The following ARHGEF10L variants were observed in gnomAD, a reference collection of about 807,000 sequenced individuals.
The protein encoded by ARHGEF10L is rho guanine nucleotide exchange factor 10-like protein.
Under a neutral mutation model 141.2 loss-of-function variants are expected in ARHGEF10L, and 69 were observed. That is an observed-to-expected ratio of 0.49 (90% confidence interval 0.40 to 0.60). The LOEUF is 0.60. Ranked by LOEUF, ARHGEF10L falls within the 20% of genes least tolerant of loss-of-function variation. The probability of loss-of-function intolerance (pLI) is 0.00; values close to 1 mark genes in which losing one functional copy is unlikely to be tolerated. For missense variants in ARHGEF10L, 1,482 were observed against 1,734.3 expected, an observed-to-expected ratio of 0.85 and a Z score of 2.58; for synonymous variants, 711 against 718.5, an observed-to-expected ratio of 0.99 and a Z score of 0.17.
At chr1:17,589,429 G>T (rs918308829) in intron 4 of ARHGEF10L, among the ~76,000 whole-genome samples, 1 of 152,314 alleles carries the variant, frequency 6.6e-6, no homozygotes, top group Non-Finnish European at 1.5e-5. Flanking sequence ...TCACTACCCT[G>T]GTGAGGGGAG....
chr1:17,595,595 C>T (rs2080014764), intron 4 of ARHGEF10L, among the ~76,000 whole-genome samples: 1 of 152,292 alleles, frequency 6.6e-6, no homozygotes. Flanking sequence ...GTAAGGGGAT[C>T]TGTGACCATG....
chr1:17,640,330 CAG>C (rs752198948), intron 21 of ARHGEF10L, 28 bp downstream of exon 21: 2 of 1,574,372 alleles, frequency 1.3e-6, no homozygotes, highest in Admixed American at 1.7e-5. Context: ...GAGAGTGCCT[CAG>C]GGGGCAGGGG....
Position 17,619,294 on chromosome 1 carries a change from GCTGTCCCTGC to G in ARHGEF10L, c.836-42_836-33del. ...AGCTCCTGAGGCCTGAGCAGGGTGT[GCTGTCCCTGC>G]CTTAGCTGTGTCATCGGCCCATCTG... On this transcript the variant is annotated intron_variant, in intron 9 of 28. Coordinates refer to ENST00000361221, the MANE Select transcript of ARHGEF10L (RefSeq NM_018125.4). The surrounding 1 kb of genome is among the most constrained non-coding windows in gnomAD (Gnocchi z 5.0). The G allele has an allele frequency of 6.4e-7, 1 of 1,571,674 alleles. No homozygotes were observed. Among genetic ancestry groups the G allele is most frequent in the Non-Finnish European group, 8.7e-7 (1 of 1,146,868 alleles).
At chr1:17,544,905 G>A (rs2076863021) in intron 1 of ARHGEF10L, among the ~76,000 whole-genome samples, 2 of 152,172 alleles carry the variant, frequency 1.3e-5, no homozygotes, top group South Asian at 4.1e-4. Flanking sequence ...GCCTGTGTAA[G>A]GGAACTGTCC....
At chr1:17,588,209 G>A (rs1249091687) in intron 3 of ARHGEF10L, among the ~76,000 whole-genome samples, 1 of 151,812 alleles carries the variant, frequency 6.6e-6, no homozygotes. Flanking sequence ...TGGCTGCCAC[G>A]GGTTCTGGCT....
At chr1:17,695,811 A>T (rs889651060) in intron 28 of ARHGEF10L, among the ~76,000 whole-genome samples, 6 of 152,078 alleles carry the variant, frequency 3.9e-5, no homozygotes, top group Non-Finnish European at 7.4e-5. Context: ...GAGAATGATG[A>T]CTGTGGTCTT....
Position 17,561,065 on chromosome 1 carries a change from C to T in ARHGEF10L, c.-43-19488C>T, listed in dbSNP as rs565722125. Among the ~76,000 whole-genome samples, 13 of 152,296 alleles carry T rather than the reference C, an allele frequency of 8.5e-5. No individual in the cohort carries two copies. In the South Asian group the frequency reaches 2.7e-3, roughly 32 times the overall value. On this transcript the variant is annotated intron_variant, in intron 1 of 28. Transcript: ENST00000361221. ...TTTGCCTTGCTCAGCCTTTGGGGCTCCCTCCAAAGATGGGAATAACAAGCC... is the reference window on the plus strand; with the variant it reads ...TTTGCCTTGCTCAGCCTTTGGGGCTTCCTCCAAAGATGGGAATAACAAGCC...
At chr1:17,562,252 G>A (rs1376743554) in intron 1 of ARHGEF10L, among the ~76,000 whole-genome samples, 1 of 152,068 alleles carries the variant, frequency 6.6e-6, no homozygotes, top group Non-Finnish European at 1.5e-5. Flanking sequence ...CCGTCTCTAC[G>A]AAAAAATACA....
chr1:17,542,158 AAAG>A (rs1462536322), intron 1 of ARHGEF10L, among the ~76,000 whole-genome samples: 7 of 152,020 alleles, frequency 4.6e-5, no homozygotes, highest in South Asian at 2.1e-4. Context: ...AAAGAAAAGA[AAAG>A]AAGAAGATTG....
At chr1:17,693,017 G>C (rs897781152) in intron 27 of ARHGEF10L, among the ~76,000 whole-genome samples, 1 of 152,134 alleles carries the variant, frequency 6.6e-6, no homozygotes, top group Non-Finnish European at 1.5e-5. Context: ...CTGAAGACCC[G>C]GGAATCCTCC....
At chr1:17,614,739 A>G (rs552404462) in intron 8 of ARHGEF10L, among the ~76,000 whole-genome samples, 2 of 152,332 alleles carry the variant, frequency 1.3e-5, no homozygotes, top group South Asian at 4.1e-4. Flanking sequence ...TCCCGTAGAA[A>G]TGCAGGGCAG....
intron 21 of ARHGEF10L, among the ~76,000 whole-genome samples, chr1:17,645,416 G>A (rs2061541138): frequency 6.6e-6 from 1 of 152,086 alleles, no homozygotes; most frequent in Non-Finnish European, 1.5e-5. Flanking sequence ...AGGACTTGAT[G>A]GGCTATGGGT....
chr1:17,602,271 TTCTAG>T, intron 5 of ARHGEF10L, 53 bp downstream of exon 5: 1 of 1,528,580 alleles, frequency 6.5e-7, no homozygotes, highest in South Asian at 1.2e-5. Context: ...CTCCAGGATA[TTCTAG>T]TCTTTCTAAC....
rs766747707 is a variant in ARHGEF10L, at chr1:17,687,667, C to G, written c.3104C>G (p.Ser1035Cys). ...GVWMAFSSGTSIRLFHTETLE... is the reference protein window; with the variant it reads ...GVWMAFSSGTCIRLFHTETLE... ...TGGATGGCCTTCTCCTCCGGCACCT[C>G]CATCCGCCTCTTCCACACTGAGACC... Residue 1035 changes from serine to cysteine, a missense_variant, in exon 27 of 29, where the codon TCC becomes TGC. Ser to Cys is a moderately radical substitution (Grantham distance 112). Coordinates refer to ENST00000361221, the MANE Select transcript of ARHGEF10L (RefSeq NM_018125.4). The G allele has an allele frequency of 6.2e-7, 1 of 1,612,456 alleles. No homozygotes were observed. The highest frequency in any genetic ancestry group is 8.5e-7 in the Non-Finnish European group (1 of 1,179,600).
At chr1:17,571,992 G>A (rs36067858) in intron 1 of ARHGEF10L, among the ~76,000 whole-genome samples, 2,183 of 152,308 alleles carry the variant, frequency 0.014, 23 homozygotes, top group Middle Eastern at 0.041. Context: ...AGGCCAGTTT[G>A]GGGGGGCTCC....
chr1:17,638,763 G>A, intron 20 of ARHGEF10L, 74 bp downstream of exon 20: 2 of 1,586,768 alleles, frequency 1.3e-6, no homozygotes, highest in Non-Finnish European at 1.7e-6. Context: ...ATCCGGAGAG[G>A]GTACCTGGAG....
At position 17,547,268 on chromosome 1, in the gene ARHGEF10L, C is replaced by T. The variant is rs150345778; in HGVS notation, c.-44+7318C>T. ...AGGATGGTCTCAGACCAGGCCCCAACACCACCTTCTTGCAGATACATCCCC... is the reference window on the plus strand; with the variant it reads ...AGGATGGTCTCAGACCAGGCCCCAATACCACCTTCTTGCAGATACATCCCC... On this transcript the variant is annotated intron_variant, in intron 1 of 28. Coordinates refer to ENST00000361221, the MANE Select transcript of ARHGEF10L (RefSeq NM_018125.4). Among the ~76,000 whole-genome samples the T allele has an allele frequency of 4.1e-3, 631 of 152,372 alleles. 6 individuals carry two copies. Among genetic ancestry groups the T allele is most frequent in the African/African-American group, 0.014 (601 of 41,578 alleles).
At chr1:17,635,247 C>T (rs1304152925) in intron 18 of ARHGEF10L, among the ~76,000 whole-genome samples, 3 of 152,180 alleles carry the variant, frequency 2.0e-5, no homozygotes, top group Non-Finnish European at 4.4e-5. Context: ...CACTTTGCTC[C>T]ACCTTCACAT....
intron 1 of ARHGEF10L, among the ~76,000 whole-genome samples, chr1:17,546,121 C>T (rs140132247): frequency 6.6e-6 from 1 of 152,276 alleles, no homozygotes; most frequent in Non-Finnish European, 1.5e-5. Flanking sequence ...TGTCAGGGGC[C>T]TTGTGCTGTG....
Sources: gnomAD v4.1 joint callset for allele counts (sites outside exome capture counted in the v4.1 genomes callset) on GRCh38, gnomAD v4.1.1 for gene constraint, Gnocchi (gnomAD v3.1) non-coding constraint, MANE v1.5 for transcripts, NCBI Gene and HGNC (gene_info 2026-07-23, HGNC 2026-07-21) for gene names.